The following MRPS9 variants were observed in gnomAD, a reference collection of about 807,000 sequenced individuals.
The protein encoded by MRPS9 is small ribosomal subunit protein uS9m.
MRPS9 carries 45 observed loss-of-function variants against 59.9 expected under a neutral mutation model. That is an observed-to-expected ratio of 0.75 (90% confidence interval 0.59 to 0.96). The LOEUF (loss-of-function observed/expected upper bound fraction) is 0.96. Ranked by LOEUF, MRPS9 falls within the 40% of genes least tolerant of loss-of-function variation. The probability of loss-of-function intolerance (pLI) is 0.00; values close to 1 mark genes in which losing one functional copy is unlikely to be tolerated. For synonymous variants in MRPS9, 171 were observed against 166.8 expected (o/e 1.03, Z -0.19); for missense variants, 473 against 481.1 (o/e 0.98, Z 0.16).
At chr2:105,091,192 G>A in intron 7 of MRPS9, 1 of 434,172 alleles carries the variant, frequency 2.3e-6, no homozygotes, top group South Asian at 1.7e-5. Context: ...TTGTACTTTG[G>A]GGTACTGGAT....
intron 3 of MRPS9, 38 bp downstream of exon 3, chr2:105,071,413 T>C (rs765404693): frequency 1.0e-5 from 16 of 1,588,334 alleles, no homozygotes; most frequent in African/African-American, 1.4e-5. Context: ...ATTTCACTTT[T>C]ATATGTTATG....
intron 1 of MRPS9, among the ~76,000 whole-genome samples, chr2:105,046,433 CCTT>C (rs946984043): frequency 5.3e-5 from 8 of 152,016 alleles, no homozygotes; most frequent in Middle Eastern, 3.4e-3. Context: ...CATTTTTTCT[CCTT>C]CTCTTTTAAG....
At position 105,038,166 on chromosome 2, in the gene MRPS9, C is replaced by T; in HGVS notation, c.74C>T (p.Ala25Val). The T allele has an allele frequency of 6.2e-7, 1 of 1,613,604 alleles. No homozygotes were observed. Among genetic ancestry groups the T allele is most frequent in the Non-Finnish European group, 8.5e-7 (1 of 1,179,830 alleles). The change falls in exon 1 of 11, where the codon GCC becomes GTC. Residue 25 changes from alanine to valine, a missense_variant. Physicochemically the swap from Ala to Val is moderately conservative, Grantham distance 64. Coordinates refer to ENST00000258455, the MANE Select transcript of MRPS9 (RefSeq NM_182640.3). ...RLLLWGRGSL[A>V]RKQGLWKTAA... ...CTTCTCTGGGGTAGGGGTAGCCTCG[C>T]CCGGAAGCAAGGCCTCTGGAAAACC...
At chr2:105,051,316 A>T (rs1679707428) in intron 2 of MRPS9, among the ~76,000 whole-genome samples, 1 of 152,120 alleles carries the variant, frequency 6.6e-6, no homozygotes, top group Admixed American at 6.5e-5. Flanking sequence ...TTTCCCATTG[A>T]ATTATTTTAT....
In MRPS9 at chr2:105,055,655, G is replaced by A. The variant is rs141222538; in HGVS notation, c.315+6305G>A. On this transcript the variant is annotated intron_variant, in intron 2 of 10. Coordinates refer to ENST00000258455, the MANE Select transcript of MRPS9 (RefSeq NM_182640.3). ...CCACCTTTGTGGCACCTGAGTAGATGTAAAAGCAAAAGAGGACAGACAGTG... is the reference window on the plus strand; with the variant it reads ...CCACCTTTGTGGCACCTGAGTAGATATAAAAGCAAAAGAGGACAGACAGTG... Among the ~76,000 whole-genome samples, 493 of 152,256 alleles carry A rather than the reference G, an allele frequency of 3.2e-3. 5 individuals carry two copies. The highest frequency in any genetic ancestry group is 0.011 in the African/African-American group (458 of 41,520).
At chr2:105,089,869 ACT>A (rs756203553) in intron 6 of MRPS9, 49 bp from the exon 7 acceptor site, 10 of 1,252,224 alleles carry the variant, frequency 8.0e-6, no homozygotes, top group Middle Eastern at 2.0e-4. Flanking sequence ...TTGTGATATA[ACT>A]CTAATTGCAT....
chr2:105,056,539 C>T (rs11889728), intron 2 of MRPS9, among the ~76,000 whole-genome samples: 33,563 of 152,054 alleles, frequency 0.22, 3,777 homozygotes, highest in Middle Eastern at 0.35. Context: ...TAACTAAACT[C>T]GTTAAGTGTG....
At chr2:105,072,887 T>A (rs1479366169) in intron 4 of MRPS9, among the ~76,000 whole-genome samples, 4 of 152,214 alleles carry the variant, frequency 2.6e-5, no homozygotes, top group Admixed American at 2.6e-4. Flanking sequence ...ATCATTTGTA[T>A]TCCCTCAGTT....
intron 1 of MRPS9, among the ~76,000 whole-genome samples, chr2:105,045,967 C>G (rs879889707): frequency 1.3e-5 from 2 of 151,996 alleles, no homozygotes; most frequent in Admixed American, 1.3e-4. Flanking sequence ...CCGGTTCAAG[C>G]GATTCTCCTG....
intron 4 of MRPS9, among the ~76,000 whole-genome samples, chr2:105,077,729 C>G (rs1167892894): frequency 6.6e-6 from 1 of 152,046 alleles, no homozygotes; most frequent in Non-Finnish European, 1.5e-5. Flanking sequence ...TCAAGAGAAA[C>G]AGAAACTAAA....
chr2:105,095,257 A>G (rs1680634001), intron 9 of MRPS9, among the ~76,000 whole-genome samples: 1 of 152,170 alleles, frequency 6.6e-6, no homozygotes, highest in African/African-American at 2.4e-5. Context: ...ACGTAAGTGA[A>G]GTTACAAGGG....
chr2:105,086,571 TTAAG>T (rs1328975165), intron 5 of MRPS9, among the ~76,000 whole-genome samples: 1 of 152,192 alleles, frequency 6.6e-6, no homozygotes, highest in Admixed American at 6.5e-5. Flanking sequence ...TTTCAGAAAA[TTAAG>T]TAAACCCTTG....
intron 1 of MRPS9, among the ~76,000 whole-genome samples, chr2:105,045,299 A>G (rs1679572140): frequency 6.6e-6 from 1 of 151,572 alleles, no homozygotes; most frequent in South Asian, 2.1e-4. Context: ...TATATGGTCC[A>G]AATTGCCAGC....
intron 5 of MRPS9, among the ~76,000 whole-genome samples, chr2:105,081,096 A>C (rs144569087): frequency 3.6e-4 from 55 of 152,264 alleles, no homozygotes; most frequent in East Asian, 1.4e-3. Flanking sequence ...CCTGCTGTTC[A>C]TTTAAATAGG....
intron 1 of MRPS9, among the ~76,000 whole-genome samples, chr2:105,040,858 G>C (rs1206624650): frequency 6.6e-6 from 1 of 152,148 alleles, no homozygotes; most frequent in South Asian, 2.1e-4. Context: ...GATTGTCATG[G>C]GCAGCTTCCC....
chr2:105,075,116 G>T (rs112861595), intron 4 of MRPS9, among the ~76,000 whole-genome samples: 2,693 of 152,198 alleles, frequency 0.018, 81 homozygotes, highest in African/African-American at 0.062. Flanking sequence ...TAGATCCCTC[G>T]CATGTGCTGT....
intron 2 of MRPS9, among the ~76,000 whole-genome samples, chr2:105,063,905 A>G (rs1679950045): frequency 6.6e-6 from 1 of 152,194 alleles, no homozygotes; most frequent in African/African-American, 2.4e-5. Context: ...CTTTGCCTTC[A>G]AAAACACACC....
intron 4 of MRPS9, among the ~76,000 whole-genome samples, chr2:105,079,232 C>T (rs1680278043): frequency 1.3e-5 from 2 of 152,308 alleles, no homozygotes; most frequent in African/African-American, 4.8e-5. Flanking sequence ...TAGTTTACAA[C>T]TTCTGTAATG....
At chr2:105,055,611 T>C (rs1488861088) in intron 2 of MRPS9, among the ~76,000 whole-genome samples, 1 of 152,174 alleles carries the variant, frequency 6.6e-6, no homozygotes, top group African/African-American at 2.4e-5. Flanking sequence ...TGCATTTTAT[T>C]AAATATAGCG....
Sources: allele counts gnomAD v4.1 joint callset (sites outside exome capture counted in the v4.1 genomes callset), GRCh38; gene constraint gnomAD v4.1.1; transcripts MANE v1.5; gene names NCBI Gene and HGNC (gene_info 2026-07-23, HGNC 2026-07-21).